Variants in ANXA4 observed in about 807,000 individuals in gnomAD.
ANXA4 encodes 35-beta calcimedin.
In ANXA4, 39 loss-of-function variants were observed where a neutral mutation model predicts 49.8. The observed-to-expected ratio is 0.78, with a 90% confidence interval of 0.61 to 1.02. The LOEUF (loss-of-function observed/expected upper bound fraction) is 1.02, where lower values mean the gene tolerates loss of function less well. Ranked by LOEUF, ANXA4 falls within the 50% of genes least tolerant of loss-of-function variation. ANXA4 has a pLI of 0.00. For missense variants in ANXA4, 360 were observed against 410.1 expected, an observed-to-expected ratio of 0.88 and a Z score of 1.05; for synonymous variants, 134 against 152.5, an observed-to-expected ratio of 0.88 and a Z score of 0.89.
intron 2 of ANXA4, among the ~76,000 whole-genome samples, chr2:69,691,802 G>T (rs1391701617): frequency 1.3e-5 from 2 of 152,194 alleles, no homozygotes. Context: ...GAGCTGCCTA[G>T]CCATTATAGC....
At chr2:69,722,109 T>G (rs1573146784) in intron 3 of ANXA4, among the ~76,000 whole-genome samples, 1 of 152,222 alleles carries the variant, frequency 6.6e-6, no homozygotes, top group Non-Finnish European at 1.5e-5. Context: ...TTCATGGATG[T>G]AAAATATTGT....
chr2:69,661,742 G>A lies in ANXA4; in HGVS notation n.766+8460G>A, dbSNP rs191571619. 4.6e-3 allele frequency among the ~76,000 whole-genome samples: 702 copies of A among 152,184 alleles called. 6 individuals are homozygous for A. Among genetic ancestry groups the A allele is most frequent in the Non-Finnish European group, 6.0e-3 (405 of 68,006 alleles). ...AAGCAACATGACAGTAGGATTTCTC[G>A]GGGTAAGAGAGTTTTTTTTGCACTG... is the stretch of plus-strand genomic sequence containing the variant. On this transcript the variant is annotated intron_variant and non_coding_transcript_variant, in intron 2 of 3. Transcript: ENST00000418066.
rs1674481807 is a variant in ANXA4 at position 69,826,628 on chromosome 2, T to C, written c.*1113T>C. ...GGAGAAACTGCATCTCTACTAAAAA[T>C]ATAAAAATTAGCCGGGTGTGGTGGC... On this transcript the variant is annotated 3_prime_UTR_variant, in exon 13 of 13. Coordinates refer to ENST00000394295, the MANE Select transcript of ANXA4 (RefSeq NM_001153.5). 6.6e-6 allele frequency: 1 copy of C among 152,108 alleles called. No individual in the cohort carries two copies. Among genetic ancestry groups the C allele is most frequent in the East Asian group, 1.9e-4 (1 of 5,178 alleles). 9.4% of individuals were successfully genotyped at this position (152,108 alleles called of 1,614,324 possible).
chr2:69,781,346 G>C, intron 1 of ANXA4, 174 bp from the exon 2 acceptor site: 1 of 603,704 alleles, frequency 1.7e-6, no homozygotes, highest in Non-Finnish European at 2.9e-6. Context: ...TTTTTTAACA[G>C]TTTCTCTAAT....
chr2:69,752,581 G>A (rs72903071), intron 1 of ANXA4, among the ~76,000 whole-genome samples: 123 of 152,282 alleles, frequency 8.1e-4, no homozygotes, highest in African/African-American at 2.9e-3. Context: ...CACTTTCTGT[G>A]ATTTCCCCAG....
In ANXA4 at chr2:69,826,371, G is replaced by T. The variant is rs1418904025; in HGVS notation, c.*856G>T. On this transcript the variant is annotated 3_prime_UTR_variant, in exon 13 of 13. Coordinates refer to ENST00000394295, the MANE Select transcript of ANXA4 (RefSeq NM_001153.5). Reference sequence around the variant, plus strand: ...AATACTTTTTAAAATCAATTTTGTTGATTGTAGTAATTTCTATTTGCACTG... The same window carrying T: ...AATACTTTTTAAAATCAATTTTGTTTATTGTAGTAATTTCTATTTGCACTG... 1 of 152,614 alleles carries T rather than the reference G, an allele frequency of 6.6e-6. No individual in the cohort carries two copies. Among genetic ancestry groups the T allele is most frequent in the South Asian group, 2.1e-4 (1 of 4,832 alleles). 9.5% of individuals were successfully genotyped at this position (152,614 alleles called of 1,614,324 possible).
intron 1 of ANXA4, among the ~76,000 whole-genome samples, chr2:69,780,420 T>C (rs1167444291): frequency 6.6e-6 from 1 of 152,196 alleles, no homozygotes; most frequent in Admixed American, 6.5e-5. Flanking sequence ...GGTCTCAAAC[T>C]CCTGACCTCA....
At chr2:69,733,952 G>C (rs1427546152) in intron 3 of ANXA4, among the ~76,000 whole-genome samples, 2 of 151,506 alleles carry the variant, frequency 1.3e-5, no homozygotes, top group African/African-American at 4.9e-5. Flanking sequence ...TATGGGATGA[G>C]CTATTTTTTT....
Position 69,826,064 on chromosome 2 carries a change from T to C in ANXA4, c.*549T>C, listed in dbSNP as rs1674458802. On this transcript the variant is annotated 3_prime_UTR_variant, in exon 13 of 13. Coordinates refer to ENST00000394295, the MANE Select transcript of ANXA4 (RefSeq NM_001153.5). ...GCATCAGTTGATCCTTACTAAGTTT[T>C]TCATGGGAGACTTCCTTCATCACAT... 1 of 152,622 alleles carries C rather than the reference T, an allele frequency of 6.6e-6. No homozygotes were observed. The highest frequency in any genetic ancestry group is 2.1e-4 in the South Asian group (1 of 4,828). The allele number at this position is 152,622 out of a possible 1,614,324, so 9.5% of individuals were successfully genotyped here. A position where few individuals can be genotyped will look rare whatever the true frequency, so the allele number is the denominator to read the frequency against.
chr2:69,813,297 G>A lies in ANXA4; in HGVS notation c.534+588G>A, dbSNP rs1191771202. Among the ~76,000 whole-genome samples the A allele has an allele frequency of 2.6e-5, 4 of 150,986 alleles. No homozygotes were observed. In the East Asian group the frequency reaches 7.8e-4, roughly 29 times the overall value. On this transcript the variant is annotated intron_variant, in intron 8 of 12. Coordinates refer to ENST00000394295, the MANE Select transcript of ANXA4 (RefSeq NM_001153.5). ...GAGTTTCACTCTTGTTGCCCAGGCT[G>A]GAGTGCAATGGCATGATCTTGGCTC...
chr2:69,754,194 T>A (rs1162363238), intron 1 of ANXA4, among the ~76,000 whole-genome samples: 1 of 152,230 alleles, frequency 6.6e-6, no homozygotes, highest in African/African-American at 2.4e-5. Context: ...TGCAAGTGTT[T>A]TAAAAGTGTT....
chr2:69,786,961 G>C (rs1672443776), intron 2 of ANXA4, among the ~76,000 whole-genome samples: 1 of 152,170 alleles, frequency 6.6e-6, no homozygotes, highest in Non-Finnish European at 1.5e-5. Context: ...CTGGGCTCAA[G>C]AGATCTGCCT....
Position 69,694,615 on chromosome 2 carries a change from C to T in ANXA4, n.767-26159C>T, listed in dbSNP as rs1263467518. Reference sequence around the variant, plus strand: ...TTCAATTCCCACCTATGAGTGAGAACATGTGGTGTTTGGTTTTTTGTCCTT... The same window carrying T: ...TTCAATTCCCACCTATGAGTGAGAATATGTGGTGTTTGGTTTTTTGTCCTT... On this transcript the variant is annotated intron_variant and non_coding_transcript_variant, in intron 2 of 3. Coordinates refer to the ANXA4 transcript ENST00000418066. 2.1e-4 allele frequency among the ~76,000 whole-genome samples: 30 copies of T among 143,542 alleles called. No homozygotes were observed. The East Asian group carries it at 5.7e-3, about 27-fold the overall frequency. The allele number at this position is 143,542 out of a possible 152,430, so 94.2% of individuals were successfully genotyped here.
intron 1 of ANXA4, among the ~76,000 whole-genome samples, chr2:69,752,455 A>G (rs574865244): frequency 1.3e-5 from 2 of 152,290 alleles, no homozygotes; most frequent in South Asian, 4.1e-4. Flanking sequence ...CCTTGGAGAA[A>G]CATGACTCCT....
At chr2:69,762,926 C>T (rs1041846734) in intron 1 of ANXA4, among the ~76,000 whole-genome samples, 12 of 152,154 alleles carry the variant, frequency 7.9e-5, no homozygotes, top group Non-Finnish European at 1.6e-4. Flanking sequence ...CTCCATCTGC[C>T]GTAAGTCCGT....
chr2:69,745,123 T>C (rs1392008012), intron 1 of ANXA4, among the ~76,000 whole-genome samples: 1 of 152,082 alleles, frequency 6.6e-6, no homozygotes, highest in African/African-American at 2.4e-5. Flanking sequence ...AAAAATAAGT[T>C]TGCAGTGAGT....
intron 2 of ANXA4, among the ~76,000 whole-genome samples, chr2:69,698,116 G>T (rs1391588602): frequency 4.6e-5 from 7 of 152,152 alleles, no homozygotes; most frequent in Admixed American, 4.6e-4. Flanking sequence ...CCTGCTTTCT[G>T]GTTCATAGTT....
intron 2 of ANXA4, among the ~76,000 whole-genome samples, chr2:69,714,410 T>C (rs1335343334): frequency 6.6e-6 from 1 of 152,188 alleles, no homozygotes; most frequent in African/African-American, 2.4e-5. Context: ...CACCTACTCC[T>C]GGCAACCGAA....
chr2:69,663,011 G>A, intron 2 of ANXA4, among the ~76,000 whole-genome samples: 1 of 26,744 alleles, frequency 3.7e-5, no homozygotes, highest in Middle Eastern at 0.028. Context: ...TTTTTTTTTT[G>A]AGATGGAGTC....
Sources: gnomAD v4.1 joint callset for allele counts (sites outside exome capture counted in the v4.1 genomes callset) on GRCh38, gnomAD v4.1.1 for gene constraint, MANE v1.5 for transcripts, NCBI Gene and HGNC (gene_info 2026-07-23, HGNC 2026-07-21) for gene names.